The following GABRB1 variants were observed in gnomAD, a reference collection of about 807,000 sequenced individuals.
The protein encoded by GABRB1 is gamma-aminobutyric acid receptor subunit beta-1.
GABRB1 carries 17 observed loss-of-function variants against 51.6 expected under a neutral mutation model. The ratio of observed to expected loss-of-function variants is 0.33; its 90% CI spans 0.23 to 0.49. The LOEUF (loss-of-function observed/expected upper bound fraction) is 0.49, where lower values mean the gene tolerates loss of function less well. Ranked by LOEUF, GABRB1 falls within the 20% of genes least tolerant of loss-of-function variation. The probability of loss-of-function intolerance (pLI) is 0.99; values close to 1 mark genes in which losing one functional copy is unlikely to be tolerated. For synonymous variants in GABRB1, 247 were observed against 218.9 expected (o/e 1.13, Z -1.14); for missense variants, 410 against 600.6 (o/e 0.68, Z 3.32).
At chr4:47,061,950 A>G (rs1726863416) in intron 3 of GABRB1, among the ~76,000 whole-genome samples, 1 of 152,194 alleles carries the variant, frequency 6.6e-6, no homozygotes, top group Non-Finnish European at 1.5e-5. Flanking sequence ...TGAATTCTGC[A>G]TTCTATAATA....
chr4:47,093,478 G>A (rs1404587910), intron 3 of GABRB1, among the ~76,000 whole-genome samples: 1 of 152,086 alleles, frequency 6.6e-6, no homozygotes, highest in African/African-American at 2.4e-5. Flanking sequence ...CCATAAGCTT[G>A]TCCATTAGTT....
intron 4 of GABRB1, among the ~76,000 whole-genome samples, chr4:47,185,762 G>C (rs1719151621): frequency 6.6e-6 from 1 of 151,822 alleles, no homozygotes; most frequent in African/African-American, 2.4e-5. Context: ...AAAGCATCTA[G>C]AAAATAGTAA....
intron 3 of GABRB1, among the ~76,000 whole-genome samples, chr4:47,071,520 C>T (rs1727334805): frequency 6.6e-6 from 1 of 152,134 alleles, no homozygotes; most frequent in Non-Finnish European, 1.5e-5. Context: ...TGGCACACAC[C>T]TCCAACCAAC....
At chr4:47,413,463 C>G (rs1728823180) in intron 8 of GABRB1, among the ~76,000 whole-genome samples, 2 of 152,182 alleles carry the variant, frequency 1.3e-5, no homozygotes, top group African/African-American at 2.4e-5. Flanking sequence ...TCAGCAGTTA[C>G]ATTAATAATG....
intron 4 of GABRB1, among the ~76,000 whole-genome samples, chr4:47,273,569 C>T (rs1456231558): frequency 1.3e-5 from 2 of 152,066 alleles, no homozygotes; most frequent in African/African-American, 2.4e-5. Context: ...TGCCAGACTA[C>T]CTGAGTTCGA....
intron 5 of GABRB1, among the ~76,000 whole-genome samples, chr4:47,399,153 TC>T (rs1728294426): frequency 1.3e-5 from 2 of 152,350 alleles, no homozygotes; most frequent in Admixed American, 1.3e-4. Flanking sequence ...TTGAAAGTTA[TC>T]AAATGCCATT....
intron 1 of GABRB1, among the ~76,000 whole-genome samples, chr4:47,017,604 T>G (rs6814188): frequency 6.6e-6 from 1 of 151,874 alleles, no homozygotes; most frequent in African/African-American, 2.4e-5. Context: ...AGGAAAGTTA[T>G]GAAATCGAAT....
intron 4 of GABRB1, among the ~76,000 whole-genome samples, chr4:47,300,549 C>G (rs1724219586): frequency 6.6e-6 from 1 of 152,070 alleles, no homozygotes; most frequent in African/African-American, 2.4e-5. Flanking sequence ...TCAATCAAGA[C>G]ACAGCCCCTT....
intron 5 of GABRB1, among the ~76,000 whole-genome samples, chr4:47,390,436 T>C (rs1727946850): frequency 6.6e-6 from 1 of 152,252 alleles, no homozygotes; most frequent in Non-Finnish European, 1.5e-5. Flanking sequence ...GGAGTAATTT[T>C]TATTTTCAAA....
intron 3 of GABRB1, among the ~76,000 whole-genome samples, chr4:47,074,933 ATC>A (rs1727486270): frequency 6.6e-6 from 1 of 152,204 alleles, no homozygotes; most frequent in South Asian, 2.1e-4. Context: ...CACTTAAAAT[ATC>A]TGTTACTGAA....
At chr4:47,354,256 T>G (rs1347079649) in intron 5 of GABRB1, among the ~76,000 whole-genome samples, 2 of 152,322 alleles carry the variant, frequency 1.3e-5, no homozygotes, top group Non-Finnish European at 2.9e-5. Context: ...TGCTTAATAT[T>G]AATGTGTAAT....
intron 4 of GABRB1, among the ~76,000 whole-genome samples, chr4:47,207,828 A>G (rs1489273100): frequency 3.3e-5 from 5 of 152,060 alleles, no homozygotes; most frequent in African/African-American, 1.2e-4. Context: ...TAACCTATGT[A>G]AAGGCATAGC....
At chr4:47,340,103 G>A (rs1725830808) in intron 5 of GABRB1, among the ~76,000 whole-genome samples, 1 of 152,136 alleles carries the variant, frequency 6.6e-6, no homozygotes, top group Non-Finnish European at 1.5e-5. Context: ...TATTCAAGGT[G>A]TTACAAGTTT....
At chr4:47,406,553 G>C in intron 7 of GABRB1, 129 bp from the exon 8 acceptor site, 4 of 1,134,696 alleles carry the variant, frequency 3.5e-6, no homozygotes, top group South Asian at 1.5e-5. Flanking sequence ...TTGCCCAATG[G>C]TTTATCATGC....
At chr4:47,193,399 C>T (rs948212038) in intron 4 of GABRB1, among the ~76,000 whole-genome samples, 2 of 152,158 alleles carry the variant, frequency 1.3e-5, no homozygotes, top group Non-Finnish European at 2.9e-5. Context: ...GAATTACAGG[C>T]GTGAGCCACT....
At chr4:47,338,322 A>T (rs895207020) in intron 5 of GABRB1, among the ~76,000 whole-genome samples, 2 of 152,178 alleles carry the variant, frequency 1.3e-5, no homozygotes, top group Non-Finnish European at 2.9e-5. Context: ...TTCTGACACC[A>T]TCAGTACTTT....
chr4:47,338,952 CCTAA>C (rs1378702114), intron 5 of GABRB1, among the ~76,000 whole-genome samples: 1 of 152,046 alleles, frequency 6.6e-6, no homozygotes, highest in Non-Finnish European at 1.5e-5. Context: ...CAGTTCAGTT[CCTAA>C]CTAATACTTT....
At chr4:47,248,917 C>T (rs948356659) in intron 4 of GABRB1, among the ~76,000 whole-genome samples, 21 of 151,930 alleles carry the variant, frequency 1.4e-4, no homozygotes, top group African/African-American at 4.8e-4. Flanking sequence ...GTTAATATTG[C>T]TAATGGTCTA....
chr4:47,246,812 C>T (rs1301545963), intron 4 of GABRB1, among the ~76,000 whole-genome samples: 1 of 151,890 alleles, frequency 6.6e-6, no homozygotes, highest in Admixed American at 6.6e-5. Context: ...TGTTTGTTGG[C>T]CATTAGTATA....
Sources: allele counts gnomAD v4.1 joint callset (sites outside exome capture counted in the v4.1 genomes callset), GRCh38; gene constraint gnomAD v4.1.1; transcripts MANE v1.5; gene names NCBI Gene and HGNC (gene_info 2026-07-23, HGNC 2026-07-21).